Variants in CYGB observed in about 807,000 individuals in gnomAD.
CYGB encodes the protein histoglobin.
Under a neutral mutation model 20.7 loss-of-function variants are expected in CYGB, and 13 were observed. The ratio of observed to expected loss-of-function variants is 0.63; its 90% CI spans 0.41 to 1.00. The LOEUF is 1.00. Ranked by LOEUF, CYGB falls within the 50% of genes least tolerant of loss-of-function variation. The pLI is 0.00. For synonymous variants in CYGB, 93 were observed against 107.4 expected (o/e 0.87, Z 0.83); for missense variants, 218 against 257.2 (o/e 0.85, Z 1.04).
At chr17:76,538,911 C>A (rs1246382244), upstream of CYGB, among the ~76,000 whole-genome samples, 2 of 152,252 alleles carry the variant, frequency 1.3e-5, no homozygotes, top group Admixed American at 6.5e-5. Flanking sequence ...TGGCTCTGCG[C>A]TTTCACTATG....
chr17:76,531,127 T>C lies in CYGB; in HGVS notation c.391A>G (p.Ile131Val), dbSNP rs1328299425. ...AATTCCTCGGCGACCACCTCCAGAA[T>C]GACCCCAGAGAGGATCTGGGGGCAA... is the stretch of plus-strand genomic sequence containing the variant. Reference protein sequence around the residue: ...PVYFKILSGVILEVVAEEFAS... With the variant: ...PVYFKILSGVVLEVVAEEFAS... The change falls in exon 3 of 4, where the codon ATT (isoleucine) becomes GTT (valine). Residue 131 changes from isoleucine to valine, a missense_variant. Ile to Val is a conservative substitution (Grantham distance 29). Coordinates refer to ENST00000293230, the MANE Select transcript of CYGB (RefSeq NM_134268.5). The surrounding 1 kb of genome is among the most constrained non-coding windows in gnomAD (Gnocchi z 7.4). 1.9e-6 allele frequency: 3 copies of C among 1,613,588 alleles called. No individual in the cohort carries two copies. The highest frequency in any genetic ancestry group is 1.7e-4 in the Middle Eastern group (1 of 6,008).
rs376871878 is a variant in CYGB at position 76,528,587 on chromosome 17, C to A, written c.564G>T (p.Ser188=). 1 of 1,286,420 alleles carries A rather than the reference C, an allele frequency of 7.8e-7. No homozygotes were observed. The highest frequency in any genetic ancestry group is 3.0e-5 in the East Asian group (1 of 33,324). 79.7% of individuals were successfully genotyped at this position (1,286,420 alleles called of 1,614,324 possible). Residue 188 remains serine (S), a synonymous_variant, in exon 4 of 4, where the codon TCG becomes TCT. Transcript: ENST00000293230. This position sits in a 1 kb window ranked among gnomAD's most constrained non-coding sequence, Gnocchi z 5.8. ...GGTGGAGTTAGGGGTCCTACGGCCC[C>A]GAAGAGGGCAGTGTGGCCGGTGGGC... The part of the protein sequence containing the change: ...ATTPPATLPS[S]GP
rs189466141 is a variant in CYGB at position 76,527,448 on chromosome 17, G to A, written c.*1130C>T. 1 of 376,946 alleles carries A rather than the reference G, an allele frequency of 2.7e-6. No homozygotes were observed. Among genetic ancestry groups the A allele is most frequent in the Non-Finnish European group, 5.3e-6 (1 of 190,214 alleles). The allele number at this position is 376,946 out of a possible 1,614,324, so 23.4% of individuals were successfully genotyped here. A position where few individuals can be genotyped will look rare whatever the true frequency, so the allele number is the denominator to read the frequency against. On this transcript the variant is annotated 3_prime_UTR_variant, in exon 4 of 4. Coordinates refer to ENST00000293230, the MANE Select transcript of CYGB (RefSeq NM_134268.5). Reference sequence around the variant, plus strand: ...GAGGACGGGCGGTTGCACAGATGAGGATGAGGATGAAGATGAGGATGAGGA... The same window carrying A: ...GAGGACGGGCGGTTGCACAGATGAGAATGAGGATGAAGATGAGGATGAGGA...
chr17:76,533,027 C>A lies in CYGB; in HGVS notation c.144-1336G>T, dbSNP rs943024218. On this transcript the variant is annotated intron_variant, in intron 1 of 3. Coordinates refer to ENST00000293230, the MANE Select transcript of CYGB (RefSeq NM_134268.5). This position sits in a 1 kb window ranked among gnomAD's most constrained non-coding sequence, Gnocchi z 4.5. ...GCGATCAGAGAGAGCTGATAATTTG[C>A]GGAAGTAGCCCTTTGGCCAGGAGTC... is the stretch of plus-strand genomic sequence containing the variant. Among the ~76,000 whole-genome samples the A allele has an allele frequency of 2.0e-5, 3 of 152,194 alleles. No homozygotes were observed. Among genetic ancestry groups the A allele is most frequent in the Non-Finnish European group, 2.9e-5 (2 of 68,034 alleles).
chr17:76,541,877 A>G (rs1412828008), upstream of CYGB, among the ~76,000 whole-genome samples: 1 of 152,160 alleles, frequency 6.6e-6, no homozygotes, highest in East Asian at 1.9e-4. Context: ...GTAAACTAGG[A>G]TTAATAACAG....
Position 76,545,476 on chromosome 17 carries a change from A to G in CYGB, c.-53+5386T>C, listed in dbSNP as rs2075045593. On this transcript the variant is annotated intron_variant, in intron 1 of 3. Coordinates refer to the CYGB transcript ENST00000589145. Reference sequence around the variant, plus strand: ...CAGGGGCTTGGGAGAGGGCAGATAAAGGGCAGCTAGAGAGGGAGAGCTGAG... The same window carrying G: ...CAGGGGCTTGGGAGAGGGCAGATAAGGGGCAGCTAGAGAGGGAGAGCTGAG... 17 of 423,882 alleles carry G rather than the reference A, an allele frequency of 4.0e-5. 1 individual carries two copies. Among genetic ancestry groups the G allele is most frequent in the South Asian group, 2.8e-4 (17 of 59,996 alleles). 26.3% of individuals were successfully genotyped at this position (423,882 alleles called of 1,614,324 possible).
At chr17:76,540,327 G>T, upstream of CYGB, 1 of 1,365,330 alleles carries the variant, frequency 7.3e-7, no homozygotes, top group Admixed American at 2.0e-5. This position sits in a 1 kb window ranked among gnomAD's most constrained non-coding sequence, Gnocchi z 5.0. Flanking sequence ...CAGCGGGGCT[G>T]GGAGGGCATT....
intron 1 of CYGB, chr17:76,544,252 G>T: frequency 2.2e-6 from 1 of 454,522 alleles, no homozygotes. Flanking sequence ...TCCCAGCCCA[G>T]CGGCGATGTC....
Position 76,537,422 on chromosome 17 carries a change from C to G in CYGB, c.121G>C (p.Val41Leu). The change falls in exon 1 of 4, where the codon GTG (valine) becomes CTG (leucine). Residue 41 changes from valine to leucine, a missense_variant. Coordinates refer to ENST00000293230, the MANE Select transcript of CYGB (RefSeq NM_134268.5). Reference sequence around the variant, plus strand: ...TACCTCACCAGGATGGCCACCCCCACGTCCTCGCAGTTGGCATAGAGCCGG... The same window carrying G: ...TACCTCACCAGGATGGCCACCCCCAGGTCCTCGCAGTTGGCATAGAGCCGG... Reference protein sequence around the residue: ...WARLYANCEDVGVAILVRFFV... With the variant: ...WARLYANCEDLGVAILVRFFV... 6.3e-7 allele frequency: 1 copy of G among 1,598,014 alleles called. No individual in the cohort carries two copies. Among genetic ancestry groups the G allele is most frequent in the Non-Finnish European group, 8.5e-7 (1 of 1,172,620 alleles).
upstream of CYGB, chr17:76,540,251 C>CG (rs757827110): frequency 1.9e-4 from 171 of 892,500 alleles, no homozygotes; most frequent in African/African-American, 2.8e-3. This position sits in a 1 kb window ranked among gnomAD's most constrained non-coding sequence, Gnocchi z 5.0. Context: ...GGCGGTTGGT[C>CG]GGGGGGGGGG....
chr17:76,528,226 C>T lies in CYGB; in HGVS notation c.*352G>A, dbSNP rs982844157. The T allele has an allele frequency of 2.8e-4, 112 of 398,402 alleles. 2 individuals carry two copies. Among genetic ancestry groups the T allele is most frequent in the Non-Finnish European group, 1.4e-4 (31 of 226,478 alleles). 24.7% of individuals were successfully genotyped at this position (398,402 alleles called of 1,614,324 possible). ...CTCTAGATGGTGATGTGGAGACCTG[C>T]ATGCTGGCCGGGCTGATAGAAACGG... is the stretch of plus-strand genomic sequence containing the variant. On this transcript the variant is annotated 3_prime_UTR_variant, in exon 4 of 4. Transcript: ENST00000293230. This position sits in a 1 kb window ranked among gnomAD's most constrained non-coding sequence, Gnocchi z 5.8.
rs150098605 is a variant in CYGB at position 76,533,994 on chromosome 17, C to T, written c.144-2303G>A. Among the ~76,000 whole-genome samples, 76 of 151,652 alleles carry T rather than the reference C, an allele frequency of 5.0e-4. No homozygotes were observed. The highest frequency in any genetic ancestry group is 3.5e-3 in the Middle Eastern group (1 of 286). On this transcript the variant is annotated intron_variant, in intron 1 of 3. Coordinates refer to ENST00000293230, the MANE Select transcript of CYGB (RefSeq NM_134268.5). This position sits in a 1 kb window ranked among gnomAD's most constrained non-coding sequence, Gnocchi z 4.5. Reference sequence around the variant, plus strand: ...TGGAGGCTGCCATGAGCCATGATGGCGCCACCGTACTCCAGCTTGGGTGAC... The same window carrying T: ...TGGAGGCTGCCATGAGCCATGATGGTGCCACCGTACTCCAGCTTGGGTGAC...
At chr17:76,543,732 C>T (rs1435956642) in intron 1 of CYGB, 2 of 468,600 alleles carry the variant, frequency 4.3e-6, no homozygotes, top group Non-Finnish European at 8.8e-6. Context: ...TAAGCCGCCA[C>T]TTGTGGTCCG....
intron 1 of CYGB, chr17:76,544,949 T>C (rs755720983): frequency 1.5e-5 from 7 of 455,710 alleles, no homozygotes; most frequent in South Asian, 1.1e-4. Context: ...CAGGGATCCA[T>C]CCAGAGGAAG....
At chr17:76,549,128 A>G (rs1464702276) in intron 1 of CYGB, among the ~76,000 whole-genome samples, 2 of 152,210 alleles carry the variant, frequency 1.3e-5, no homozygotes, top group African/African-American at 4.8e-5. Flanking sequence ...AAATCAATAC[A>G]CTGGACTTTA....
chr17:76,531,112 C>A lies in CYGB; in HGVS notation c.406G>T (p.Ala136Ser). 1 of 1,613,782 alleles carries A rather than the reference C, an allele frequency of 6.2e-7. No individual in the cohort carries two copies. Among genetic ancestry groups the A allele is most frequent in the Non-Finnish European group, 8.5e-7 (1 of 1,179,874 alleles). ...ILSGVILEVV[A>S]EEFASDFPPE... ...GGGAAGTCACTGGCAAATTCCTCGG[C>A]GACCACCTCCAGAATGACCCCAGAG... The change falls in exon 3 of 4, where the codon GCC becomes TCC. Residue 136 changes from alanine (A) to serine (S), a missense_variant. By Grantham distance (99) the Ala-to-Ser change is moderately conservative. Coordinates refer to ENST00000293230, the MANE Select transcript of CYGB (RefSeq NM_134268.5). The surrounding 1 kb of genome is among the most constrained non-coding windows in gnomAD (Gnocchi z 7.4).
chr17:76,537,323 C>T (rs1190959352), intron 1 of CYGB, 77 bp downstream of exon 1: 14 of 1,428,256 alleles, frequency 9.8e-6, no homozygotes, highest in Non-Finnish European at 1.3e-5. Context: ...GAGCTCGGAC[C>T]CGGGCCCAGC....
At chr17:76,529,050 C>A in intron 3 of CYGB, 1 of 445,250 alleles carries the variant, frequency 2.2e-6, no homozygotes, top group Non-Finnish European at 2.9e-6. Context: ...TTGCGCCCCC[C>A]CCCCACCCCC....
chr17:76,543,307 C>A (rs1387525872), intron 1 of CYGB: 2 of 349,486 alleles, frequency 5.7e-6, no homozygotes, highest in East Asian at 1.5e-4. Context: ...CTGAGAAAGC[C>A]TAGGATGAGG....
Sources: allele counts gnomAD v4.1 joint callset (sites outside exome capture counted in the v4.1 genomes callset), GRCh38; gene constraint gnomAD v4.1.1; non-coding constraint Gnocchi (gnomAD v3.1); transcripts MANE v1.5; gene names NCBI Gene and HGNC (gene_info 2026-07-23, HGNC 2026-07-21).